Variants in CHD2 observed in about 807,000 individuals in gnomAD.
The protein encoded by CHD2 is chromodomain helicase DNA binding protein 2.
In CHD2, 28 loss-of-function variants were observed where a neutral mutation model predicts 243.9. The ratio of observed to expected loss-of-function variants is 0.11; its 90% CI spans 0.09 to 0.16. The LOEUF is 0.16. Ranked by LOEUF, CHD2 falls within the 10% of genes least tolerant of loss-of-function variation. The probability of loss-of-function intolerance (pLI) is 1.00; values close to 1 mark genes in which losing one functional copy is unlikely to be tolerated. For synonymous variants in CHD2, 775 were observed against 779.0 expected (o/e 0.99, Z 0.09); for missense variants, 1,386 against 2,209.8 (o/e 0.63, Z 7.47).
At chr15:92,938,051 C>G (rs2053294742) in intron 6 of CHD2, among the ~76,000 whole-genome samples, 1 of 152,146 alleles carries the variant, frequency 6.6e-6, no homozygotes, top group African/African-American at 2.4e-5. Context: ...TTTGATAAGA[C>G]AGATGGCAGC....
chr15:92,958,991 TGAG>T (rs1211294672), intron 16 of CHD2, among the ~76,000 whole-genome samples: 1 of 152,236 alleles, frequency 6.6e-6, no homozygotes, highest in Non-Finnish European at 1.5e-5. Context: ...TGTTGTAAGT[TGAG>T]GAGCATCTGT....
intron 25 of CHD2, 60 bp from the exon 26 acceptor site, chr15:92,985,438 T>C: frequency 6.7e-7 from 1 of 1,502,352 alleles, no homozygotes; most frequent in Non-Finnish European, 9.0e-7. Context: ...CTTCTCTTAG[T>C]CCTTTCACCA....
At chr15:92,912,733 A>G (rs901415700) in intron 2 of CHD2, among the ~76,000 whole-genome samples, 24 of 151,980 alleles carry the variant, frequency 1.6e-4, no homozygotes, top group African/African-American at 5.3e-4. Flanking sequence ...CAGGGGTTTC[A>G]CTATGTTGGC....
At chr15:93,003,107 G>A (rs192456840) in intron 33 of CHD2, among the ~76,000 whole-genome samples, 171 of 152,050 alleles carry the variant, frequency 1.1e-3, no homozygotes, top group Non-Finnish European at 1.8e-3. Flanking sequence ...GGGAGACCTC[G>A]TCTCTACAAA....
chr15:92,939,047 CTT>C (rs34010474), intron 6 of CHD2, among the ~76,000 whole-genome samples: 2 of 149,144 alleles, frequency 1.3e-5, no homozygotes, highest in Non-Finnish European at 3.0e-5. Context: ...ACAAAAAACT[CTT>C]TTTTTTTTTC....
chr15:92,997,115 A>C lies in CHD2; in HGVS notation c.3734+20A>C, dbSNP rs765676490. ...AAAAAAGTGAGTATATTTTGTGTAC[A>C]TGCTTAGATGGTCGTACCGTAAGAA... is the stretch of plus-strand genomic sequence containing the variant. On this transcript the variant is annotated intron_variant, in intron 29 of 38. Coordinates refer to ENST00000394196, the MANE Select transcript of CHD2 (RefSeq NM_001271.4). The surrounding 1 kb of genome is among the most constrained non-coding windows in gnomAD (Gnocchi z 4.1). The C allele has an allele frequency of 1.9e-6, 3 of 1,606,020 alleles. No homozygotes were observed. The East Asian group carries it at 6.7e-5, about 36-fold the overall frequency.
intron 4 of CHD2, among the ~76,000 whole-genome samples, chr15:92,928,539 A>G (rs1303304915): frequency 6.6e-6 from 1 of 152,222 alleles, no homozygotes; most frequent in Admixed American, 6.5e-5. Context: ...TGGTGCCTTT[A>G]AGGCACACTG....
Position 92,941,761 on chromosome 15 carries a change from G to A in CHD2, c.693-61G>A, listed in dbSNP as rs1410897899. ...GGTTTCTTATTCTAGTGACGGTTATGTGTGGCAGTTTAATTCTGAAGAGAT... is the reference window on the plus strand; with the variant it reads ...GGTTTCTTATTCTAGTGACGGTTATATGTGGCAGTTTAATTCTGAAGAGAT... On this transcript the variant is annotated intron_variant, in intron 7 of 38. Transcript: ENST00000394196. 10 of 1,522,364 alleles carry A rather than the reference G, an allele frequency of 6.6e-6. No individual in the cohort carries two copies. The African/African-American group carries it at 1.1e-4, about 17-fold the overall frequency. The allele number at this position is 1,522,364 out of a possible 1,614,324, so 94.3% of individuals were successfully genotyped here. A position where few individuals can be genotyped will look rare whatever the true frequency, so the allele number is the denominator to read the frequency against.
rs888633631 is a variant in CHD2, at chr15:93,025,455, G to A, written c.*750G>A. ...GGCCTCCTTTTCCCACTGTGCCAGG[G>A]AAGGTAGGTTTCTCTGGCTGACTGA... is the stretch of plus-strand genomic sequence containing the variant. On this transcript the variant is annotated 3_prime_UTR_variant, in exon 39 of 39. Transcript: ENST00000394196. 1 of 152,718 alleles carries A rather than the reference G, an allele frequency of 6.5e-6. No individual in the cohort carries two copies. The highest frequency in any genetic ancestry group is 2.1e-4 in the South Asian group (1 of 4,828). The allele number at this position is 152,718 out of a possible 1,614,324, so 9.5% of individuals were successfully genotyped here. A position where few individuals can be genotyped will look rare whatever the true frequency, so the allele number is the denominator to read the frequency against.
chr15:93,006,623 A>G (rs1487311590), intron 34 of CHD2, among the ~76,000 whole-genome samples: 1 of 152,184 alleles, frequency 6.6e-6, no homozygotes, highest in Non-Finnish European at 1.5e-5. Context: ...TCCATTTTAC[A>G]TATTTAAAAA....
intron 36 of CHD2, 145 bp from the exon 37 acceptor site, chr15:93,014,551 C>T: frequency 1.5e-6 from 1 of 679,572 alleles, no homozygotes; most frequent in Non-Finnish European, 2.5e-6. Flanking sequence ...AATTTATGAG[C>T]CTTTTTTTTG....
chr15:92,971,567 A>G (rs2053842189), intron 17 of CHD2, among the ~76,000 whole-genome samples, 198 bp from the exon 18 acceptor site: 1 of 152,206 alleles, frequency 6.6e-6, no homozygotes, highest in South Asian at 2.1e-4. Context: ...AATCTTTAAC[A>G]TTCCTAATTC....
intron 3 of CHD2, among the ~76,000 whole-genome samples, chr15:92,926,174 C>T (rs1038966509): frequency 2.0e-5 from 3 of 152,178 alleles, no homozygotes; most frequent in East Asian, 1.9e-4. Context: ...GATCTCCCTA[C>T]GTAGCCCAGG....
intron 8 of CHD2, among the ~76,000 whole-genome samples, chr15:92,942,482 G>A (rs1596395978): frequency 6.6e-6 from 1 of 151,532 alleles, no homozygotes; most frequent in South Asian, 2.1e-4. Context: ...GAGTAGGGGA[G>A]GTTGGAGGAG....
rs750871446 is a variant in CHD2 at position 92,967,529 on chromosome 15, G to T, written c.2189+16G>T. 6.2e-7 allele frequency: 1 copy of T among 1,610,226 alleles called. No individual in the cohort carries two copies. Among genetic ancestry groups the T allele is most frequent in the African/African-American group, 1.3e-5 (1 of 74,896 alleles). On this transcript the variant is annotated intron_variant, in intron 17 of 38. Coordinates refer to ENST00000394196, the MANE Select transcript of CHD2 (RefSeq NM_001271.4). ...AGTATTACAAGTAAGTTCTTGTTTG[G>T]GTTAGGCCTGAAGGGGTTGAGATCA...
At position 92,939,692 on chromosome 15, in the gene CHD2, T is replaced by C; in HGVS notation, c.666T>C (p.Thr222=). ...ATGACGAAGCTCCCAAAAGGCAGACTCGTCGAAGAGCGGCTAAAAACGTTA... is the reference window on the plus strand; with the variant it reads ...ATGACGAAGCTCCCAAAAGGCAGACCCGTCGAAGAGCGGCTAAAAACGTTA... ...DDDDEAPKRQ[T]RRRAAKNVSY... The change falls in exon 7 of 39, where the codon ACT becomes ACC. Residue 222 remains threonine, a synonymous_variant. Transcript: ENST00000394196. 6.2e-7 allele frequency: 1 copy of C among 1,614,042 alleles called. No homozygotes were observed. Among genetic ancestry groups the C allele is most frequent in the South Asian group, 1.1e-5 (1 of 91,080 alleles).
At chr15:92,909,220 T>C (rs2052682483) in intron 2 of CHD2, among the ~76,000 whole-genome samples, 1 of 152,176 alleles carries the variant, frequency 6.6e-6, no homozygotes, top group African/African-American at 2.4e-5. Context: ...GCTCTTGTGG[T>C]CGTCTCTTCC....
intron 33 of CHD2, among the ~76,000 whole-genome samples, chr15:93,003,627 T>C (rs1360497245): frequency 1.3e-5 from 2 of 151,596 alleles, no homozygotes; most frequent in Non-Finnish European, 1.5e-5. Flanking sequence ...CTGATATCTT[T>C]TGTATTTCAT....
At chr15:93,011,348 C>T (rs2054392023) in intron 35 of CHD2, among the ~76,000 whole-genome samples, 1 of 152,220 alleles carries the variant, frequency 6.6e-6, no homozygotes, top group Admixed American at 6.5e-5. Flanking sequence ...TTCTGAGAGG[C>T]AGGCAGGTGC....
Sources: allele counts gnomAD v4.1 joint callset (sites outside exome capture counted in the v4.1 genomes callset), GRCh38; gene constraint gnomAD v4.1.1; non-coding constraint Gnocchi (gnomAD v3.1); transcripts MANE v1.5; gene names NCBI Gene and HGNC (gene_info 2026-07-23, HGNC 2026-07-21).